Variants in RO60 observed in about 807,000 individuals in gnomAD.
RO60 encodes Ro60, Y RNA binding protein.
In RO60, 20 loss-of-function variants were observed where a neutral mutation model predicts 55.3. That is an observed-to-expected ratio of 0.36 (90% CI 0.25 to 0.53). The LOEUF (loss-of-function observed/expected upper bound fraction) is 0.53, where lower values mean the gene tolerates loss of function less well. Ranked by LOEUF, RO60 falls within the 20% of genes least tolerant of loss-of-function variation. The pLI is 0.92. For synonymous variants in RO60, 213 were observed against 213.6 expected, an observed-to-expected ratio of 1.00 and a Z score of 0.02; for missense variants, 558 against 646.6, an observed-to-expected ratio of 0.86 and a Z score of 1.49.
At chr1:193,082,400 A>G in intron 7 of RO60, 101 bp downstream of exon 7, 1 of 1,337,616 alleles carries the variant, frequency 7.5e-7, no homozygotes, top group Non-Finnish European at 1.0e-6. Flanking sequence ...TGAGAACAAA[A>G]TTTTTTTTGT....
At position 193,088,162 on chromosome 1, in the gene RO60, CTTT is replaced by C. The variant is rs145943712; in HGVS notation, c.*3460_*3462del. 0.29 allele frequency: 12,520 copies of C among 42,604 alleles called. 1,597 individuals carry two copies. Among genetic ancestry groups the C allele is most frequent in the Non-Finnish European group, 0.34 (8,529 of 25,390 alleles). 2.6% of individuals were successfully genotyped at this position (42,604 alleles called of 1,614,324 possible). ...GGTGTGCACTGCACTACCACGCCTG[CTTT>C]TTTTTTTTTTTTTTTTTTTTTTTTT... On this transcript the variant is annotated 3_prime_UTR_variant, in exon 9 of 9. Transcript: ENST00000400968.
At chr1:193,082,856 C>T (rs1216741085) in intron 8 of RO60, 148 bp downstream of exon 8, 4 of 620,990 alleles carry the variant, frequency 6.4e-6, no homozygotes, top group Admixed American at 3.5e-5. Context: ...CCTCAACCTC[C>T]CAGGCTTAAG....
rs1190849134 is a variant in RO60, at chr1:193,090,340, G to A, written c.*5609G>A. 1.3e-5 allele frequency: 2 copies of A among 151,678 alleles called. No homozygotes were observed. The highest frequency in any genetic ancestry group is 2.9e-5 in the Non-Finnish European group (2 of 67,974). 9.4% of individuals were successfully genotyped at this position (151,678 alleles called of 1,614,324 possible). On this transcript the variant is annotated 3_prime_UTR_variant, in exon 9 of 9. Coordinates refer to ENST00000400968, the MANE Select transcript of RO60 (RefSeq NM_001173524.2). ...ATTGAAACTTGGCTTTATTTGTAACGTAAACTATATATAATCCATACGTAG... is the reference window on the plus strand; with the variant it reads ...ATTGAAACTTGGCTTTATTTGTAACATAAACTATATATAATCCATACGTAG...
intron 1 of RO60, 159 bp from the exon 2 acceptor site, chr1:193,068,875 A>G (rs1408302205): frequency 2.0e-6 from 1 of 506,654 alleles, no homozygotes; most frequent in Non-Finnish European, 3.4e-6. Context: ...TTTCTTCAGG[A>G]CATTTATATT....
At chr1:193,064,746 T>G (rs987530925) in intron 1 of RO60, among the ~76,000 whole-genome samples, 2 of 152,208 alleles carry the variant, frequency 1.3e-5, no homozygotes, top group African/African-American at 4.8e-5. Flanking sequence ...TCCTCAGGGT[T>G]GTCATTTATA....
At chr1:193,063,507 G>T (rs1462633328) in intron 1 of RO60, among the ~76,000 whole-genome samples, 3 of 152,008 alleles carry the variant, frequency 2.0e-5, no homozygotes, top group Admixed American at 6.6e-5. Context: ...TTTTTCTTGG[G>T]TTGTCTTTTC....
chr1:193,081,498 A>G lies in RO60; in HGVS notation c.1203+18A>G. On this transcript the variant is annotated intron_variant, in intron 6 of 8. Transcript: ENST00000400968. ...TGTGCATGGTGAGAACACCTAAGACAATTTTGCCATTCTAAAAACATGTTT... is the reference window on the plus strand; with the variant it reads ...TGTGCATGGTGAGAACACCTAAGACGATTTTGCCATTCTAAAAACATGTTT... The G allele has an allele frequency of 6.8e-7, 1 of 1,462,250 alleles. No homozygotes were observed. Among genetic ancestry groups the G allele is most frequent in the African/African-American group, 1.4e-5 (1 of 71,846 alleles). The allele number at this position is 1,462,250 out of a possible 1,614,324, so 90.6% of individuals were successfully genotyped here. A position where few individuals can be genotyped will look rare whatever the true frequency, so the allele number is the denominator to read the frequency against.
At chr1:193,081,097 G>T (rs925352297) in intron 5 of RO60, among the ~76,000 whole-genome samples, 1 of 151,990 alleles carries the variant, frequency 6.6e-6, no homozygotes, top group Non-Finnish European at 1.5e-5. Context: ...TTAAAAATAG[G>T]ATGGTAACTT....
At chr1:193,074,925 G>A (rs1017605948) in intron 2 of RO60, among the ~76,000 whole-genome samples, 3 of 152,150 alleles carry the variant, frequency 2.0e-5, no homozygotes, top group African/African-American at 4.8e-5. Flanking sequence ...GTGTAAGGAA[G>A]GGATCCAGTT....
chr1:193,074,237 T>G (rs1268121861), intron 2 of RO60, among the ~76,000 whole-genome samples: 2 of 152,214 alleles, frequency 1.3e-5, no homozygotes, highest in African/African-American at 4.8e-5. Flanking sequence ...TTTATAATCC[T>G]TTGGGTATAT....
At chr1:193,063,463 C>T (rs1672916464) in intron 1 of RO60, among the ~76,000 whole-genome samples, 1 of 152,060 alleles carries the variant, frequency 6.6e-6, no homozygotes, top group Non-Finnish European at 1.5e-5. Flanking sequence ...AGATACAAGT[C>T]ACTTATTGTA....
chr1:193,062,822 A>G (rs542661915), intron 1 of RO60, among the ~76,000 whole-genome samples: 1 of 152,190 alleles, frequency 6.6e-6, no homozygotes, highest in Non-Finnish European at 1.5e-5. Context: ...GACTTGGCAT[A>G]ATGTTTTCAA....
chr1:193,081,310 A>T, intron 5 of RO60, 54 bp from the exon 6 acceptor site: 1 of 998,084 alleles, frequency 1.0e-6, no homozygotes, highest in Non-Finnish European at 1.5e-6. Flanking sequence ...TTAGAAATTT[A>T]GTCTACTTAT....
intron 2 of RO60, among the ~76,000 whole-genome samples, chr1:193,069,856 G>A (rs1020166852): frequency 6.6e-6 from 1 of 152,172 alleles, no homozygotes; most frequent in Non-Finnish European, 1.5e-5. Context: ...AGGTTTATAG[G>A]TTAATATTCT....
intron 7 of RO60, 80 bp downstream of exon 7, chr1:193,082,379 G>C (rs904488570): frequency 1.4e-5 from 19 of 1,348,170 alleles, no homozygotes; most frequent in Non-Finnish European, 1.9e-5. Context: ...GTCATGTATG[G>C]TATTAATCTG....
At chr1:193,073,125 A>G (rs1050463306) in intron 2 of RO60, among the ~76,000 whole-genome samples, 2 of 152,252 alleles carry the variant, frequency 1.3e-5, no homozygotes, top group Non-Finnish European at 2.9e-5. Flanking sequence ...GGCCAGCGCA[A>G]TTACAGAACC....
rs1433575269 is a variant in RO60, at chr1:193,086,881, G to T, written c.*2150G>T. Reference sequence around the variant, plus strand: ...AAATCATGGCATATTTGAGCTGGAAGAAACCTTAGAAACCTAAAAGCTAAT... The same window carrying T: ...AAATCATGGCATATTTGAGCTGGAATAAACCTTAGAAACCTAAAAGCTAAT... On this transcript the variant is annotated 3_prime_UTR_variant, in exon 9 of 9. Coordinates refer to ENST00000400968, the MANE Select transcript of RO60 (RefSeq NM_001173524.2). 1.3e-5 allele frequency: 2 copies of T among 152,076 alleles called. No individual in the cohort carries two copies. The highest frequency in any genetic ancestry group is 1.9e-4 in the East Asian group (1 of 5,190). 9.4% of individuals were successfully genotyped at this position (152,076 alleles called of 1,614,324 possible).
intron 2 of RO60, among the ~76,000 whole-genome samples, chr1:193,075,414 A>G (rs973792675): frequency 5.9e-5 from 9 of 151,450 alleles, no homozygotes; most frequent in Non-Finnish European, 1.2e-4. Flanking sequence ...TTCAACAGCA[A>G]AAAGAGACAA....
In RO60 at chr1:193,059,937, C is replaced by T. The variant is rs771158730; in HGVS notation, c.-22+161C>T. 19 of 1,366,338 alleles carry T rather than the reference C, an allele frequency of 1.4e-5. No individual in the cohort carries two copies. In the Admixed American group the frequency reaches 2.9e-4, roughly 21 times the overall value. 84.6% of individuals were successfully genotyped at this position (1,366,338 alleles called of 1,614,324 possible). ...TCCCCGTCCCGCTTCCGCGCCTGTC[C>T]ACCCTGGGTAACGGAACCAGCATCG... On this transcript the variant is annotated intron_variant, in intron 1 of 8. Coordinates refer to ENST00000400968, the MANE Select transcript of RO60 (RefSeq NM_001173524.2). The surrounding 1 kb of genome is among the most constrained non-coding windows in gnomAD (Gnocchi z 4.9).
Sources: gnomAD v4.1 joint callset for allele counts (sites outside exome capture counted in the v4.1 genomes callset) on GRCh38, gnomAD v4.1.1 for gene constraint, Gnocchi (gnomAD v3.1) non-coding constraint, MANE v1.5 for transcripts, NCBI Gene and HGNC (gene_info 2026-07-23, HGNC 2026-07-21) for gene names.